The following JAKMIP3 variants were observed in gnomAD, a reference collection of about 807,000 sequenced individuals.
JAKMIP3 encodes Janus kinase and microtubule interacting protein 3, also known as janus kinase and microtubule-interacting protein 3.
JAKMIP3 carries 58 observed loss-of-function variants against 118.5 expected under a neutral mutation model. The ratio of observed to expected loss-of-function variants is 0.49; its 90% CI spans 0.40 to 0.61. JAKMIP3 has a LOEUF of 0.61. Among genes scored for constraint, JAKMIP3 ranks in the 20% least tolerant of loss-of-function variants. The pLI, the probability that JAKMIP3 is intolerant of heterozygous loss-of-function variation, is 0.00. For missense variants in JAKMIP3, 950 were observed against 1,109.0 expected (o/e 0.86, Z 2.04); for synonymous variants, 486 against 451.2 (o/e 1.08, Z -0.98).
chr10:132,131,377 G>A (rs1003154010), intron 3 of JAKMIP3, among the ~76,000 whole-genome samples: 1 of 151,418 alleles, frequency 6.6e-6, no homozygotes, highest in Non-Finnish European at 1.5e-5. Flanking sequence ...TGGGAGCTCT[G>A]GGGTGCAGGT....
chr10:132,168,407 G>T lies in JAKMIP3; in HGVS notation c.*477G>T. ...GGCTTGGCCTGATGACAAGATGAAA[G>T]CTGGACGGTGACCTTCATTCAGGGG... On this transcript the variant is annotated 3_prime_UTR_variant, in exon 23 of 24. Coordinates refer to ENST00000684848, the MANE Select transcript of JAKMIP3 (RefSeq NM_001323087.2). 1 of 1,289,234 alleles carries T rather than the reference G, an allele frequency of 7.8e-7. No homozygotes were observed. Among genetic ancestry groups the T allele is most frequent in the Non-Finnish European group, 1.0e-6 (1 of 988,576 alleles). 79.9% of individuals were successfully genotyped at this position (1,289,234 alleles called of 1,614,324 possible).
chr10:132,070,684 C>T (rs577110000), intron 1 of JAKMIP3, among the ~76,000 whole-genome samples: 1 of 152,234 alleles, frequency 6.6e-6, no homozygotes, highest in South Asian at 2.1e-4. Flanking sequence ...TTCACAGATG[C>T]TTGTGTACTT....
intron 3 of JAKMIP3, among the ~76,000 whole-genome samples, chr10:132,131,717 A>G: frequency 6.6e-6 from 1 of 152,040 alleles, no homozygotes; most frequent in Middle Eastern, 3.2e-3. Context: ...CTGGTGCACC[A>G]GGACGCCTGT....
Position 132,148,758 on chromosome 10 carries a change from C to T in JAKMIP3, c.1849-654C>T, listed in dbSNP as rs116122122. 3.6e-3 allele frequency among the ~76,000 whole-genome samples: 545 copies of T among 152,324 alleles called. 1 individual carries two copies. The highest frequency in any genetic ancestry group is 0.012 in the African/African-American group (487 of 41,558). ...AGCTCAGGCTGGGTGTGGGCAGCCA[C>T]GTCGCTGTGATTGTTTCACGGCAAG... On this transcript the variant is annotated intron_variant, in intron 14 of 23. Coordinates refer to ENST00000684848, the MANE Select transcript of JAKMIP3 (RefSeq NM_001323087.2).
chr10:132,181,368 G>A (rs749683020), intron 23 of JAKMIP3: 49 of 152,218 alleles, frequency 3.2e-4, no homozygotes, highest in Non-Finnish European at 1.0e-4. Flanking sequence ...CATTGACAGG[G>A]TGGGAGTGTT....
chr10:132,159,539 A>AG, intron 19 of JAKMIP3, among the ~76,000 whole-genome samples: 1 of 26,056 alleles, frequency 3.8e-5, no homozygotes, highest in African/African-American at 1.5e-4. Flanking sequence ...TGATGCTGGG[A>AG]GGGTCTCTCC....
At chr10:132,097,819 A>C (rs2044108273) in intron 1 of JAKMIP3, among the ~76,000 whole-genome samples, 1 of 149,590 alleles carries the variant, frequency 6.7e-6, no homozygotes, top group Non-Finnish European at 1.5e-5. Flanking sequence ...ATGCATTTGC[A>C]GGTGATTCAG....
chr10:132,087,057 G>T (rs1225678770), intron 1 of JAKMIP3, among the ~76,000 whole-genome samples: 2 of 152,178 alleles, frequency 1.3e-5, no homozygotes, highest in Non-Finnish European at 2.9e-5. Flanking sequence ...GTGCTGGCTT[G>T]GTAGTGGCAA....
chr10:132,106,741 C>T (rs1265709031), intron 2 of JAKMIP3, among the ~76,000 whole-genome samples: 1 of 152,212 alleles, frequency 6.6e-6, no homozygotes, highest in East Asian at 1.9e-4. Flanking sequence ...GGGGAGTTGC[C>T]CCAAATGGAG....
At chr10:132,041,069 T>A (rs1173454319) in intron 1 of JAKMIP3, among the ~76,000 whole-genome samples, 3 of 152,070 alleles carry the variant, frequency 2.0e-5, no homozygotes, top group African/African-American at 4.8e-5. Flanking sequence ...TTTCTTTCTT[T>A]TTGAGATGGA....
At chr10:132,122,207 CCCT>C (rs1314652172) in intron 3 of JAKMIP3, among the ~76,000 whole-genome samples, 8 of 151,076 alleles carry the variant, frequency 5.3e-5, no homozygotes, top group Admixed American at 3.3e-4. Flanking sequence ...GCTGTCGGGG[CCCT>C]GACTGCCCCC....
chr10:132,121,864 G>A (rs2048589348), intron 3 of JAKMIP3, among the ~76,000 whole-genome samples: 1 of 152,186 alleles, frequency 6.6e-6, no homozygotes, highest in Non-Finnish European at 1.5e-5. Flanking sequence ...CCACCCTGAG[G>A]ACAGTCGCGT....
chr10:132,176,869 T>A (rs1190912307), intron 23 of JAKMIP3, among the ~76,000 whole-genome samples: 1 of 152,056 alleles, frequency 6.6e-6, no homozygotes, highest in Non-Finnish European at 1.5e-5. Flanking sequence ...CCGCGACTCC[T>A]CATGGGTCAC....
chr10:132,109,972 A>G (rs1336291474), intron 2 of JAKMIP3, among the ~76,000 whole-genome samples: 1 of 152,202 alleles, frequency 6.6e-6, no homozygotes, highest in Non-Finnish European at 1.5e-5. Flanking sequence ...GCCAAAAGTA[A>G]TATCGTCATT....
intron 15 of JAKMIP3, 65 bp downstream of exon 15, chr10:132,149,575 C>CCTGCCCCCGCCCCACCCCCTCCCT: frequency 2.7e-6 from 1 of 371,092 alleles, no homozygotes; most frequent in East Asian, 1.6e-4. Context: ...ACCCCCTCTC[C>CCTGCCCCCGCCCCACCCCCTCCCT]GCCCCCGCCC....
At chr10:132,036,663 C>T (rs1029068535), upstream of JAKMIP3, among the ~76,000 whole-genome samples, 174 of 150,356 alleles carry the variant, frequency 1.2e-3, no homozygotes, top group Middle Eastern at 3.4e-3. Context: ...CGGTGACGCG[C>T]GCCCCCGCCC....
chr10:132,133,247 G>T, intron 3 of JAKMIP3, 65 bp from the exon 4 acceptor site: 1 of 1,376,928 alleles, frequency 7.3e-7, no homozygotes, highest in Non-Finnish European at 1.0e-6. Flanking sequence ...GGCTGCGCCC[G>T]TTTCTATGGT....
Position 132,168,142 on chromosome 10 carries a change from C to T in JAKMIP3, c.*212C>T. On this transcript the variant is annotated 3_prime_UTR_variant, in exon 23 of 24. Transcript: ENST00000684848. ...CACGTGGGATGTGCCAGAACTAGAA[C>T]TGGCTCTGCCGACTTCTCGGGGGCT... 1 of 1,286,766 alleles carries T rather than the reference C, an allele frequency of 7.8e-7. No homozygotes were observed. Among genetic ancestry groups the T allele is most frequent in the South Asian group, 1.2e-5 (1 of 80,764 alleles). 79.7% of individuals were successfully genotyped at this position (1,286,766 alleles called of 1,614,324 possible).
chr10:132,106,140 A>G (rs9419368), intron 2 of JAKMIP3, among the ~76,000 whole-genome samples: 33,826 of 151,692 alleles, frequency 0.22, 4,272 homozygotes, highest in African/African-American at 0.35. Context: ...TTCGAGACCA[A>G]CCTGGGCAAC....
Sources: gnomAD v4.1 joint callset for allele counts (sites outside exome capture counted in the v4.1 genomes callset) on GRCh38, gnomAD v4.1.1 for gene constraint, MANE v1.5 for transcripts, NCBI Gene and HGNC (gene_info 2026-07-23, HGNC 2026-07-21) for gene names.